The following USP21 variants were observed in gnomAD, a reference collection of about 807,000 sequenced individuals.
The protein encoded by USP21 is ubiquitin specific peptidase 21.
A neutral mutation model predicts 70.8 loss-of-function variants in USP21; 37 were observed. That is an observed-to-expected ratio of 0.52 (90% CI 0.40 to 0.69). The LOEUF is 0.69. Among genes scored for constraint, USP21 ranks in the 30% least tolerant of loss-of-function variants. The pLI, the probability that USP21 is intolerant of heterozygous loss-of-function variation, is 0.00. For synonymous variants in USP21, 263 were observed against 283.1 expected (o/e 0.93, Z 0.71); for missense variants, 584 against 740.8 (o/e 0.79, Z 2.46).
intron 13 of USP21, 49 bp downstream of exon 13, chr1:161,165,192 G>C (rs753799115): frequency 1.3e-6 from 2 of 1,548,280 alleles, no homozygotes; most frequent in South Asian, 1.1e-5. Context: ...ACTCAGCCCT[G>C]ACACCCTCCC....
In USP21 at chr1:161,161,460, A is replaced by AG; in HGVS notation, c.600+224dup. 1.8e-6 allele frequency: 1 copy of AG among 559,830 alleles called. No homozygotes were observed. Among genetic ancestry groups the AG allele is most frequent in the East Asian group, 3.0e-5 (1 of 32,832 alleles). The allele number at this position is 559,830 out of a possible 1,614,324, so 34.7% of individuals were successfully genotyped here. ...AGCATGGTGTGCCATTTCGGTCCCC[A>AG]GGGGATTACCCCAACTATTTAGAAT... On this transcript the variant is annotated intron_variant, in intron 3 of 13. Coordinates refer to ENST00000368002, the MANE Select transcript of USP21 (RefSeq NM_001014443.3). The surrounding 1 kb of genome is among the most constrained non-coding windows in gnomAD (Gnocchi z 4.2).
Position 161,161,093 on chromosome 1 carries a change from G to A in USP21, c.453G>A (p.Leu151=). ...RLALRPEPPT[L]RRSTSLRRLG... The stretch of plus-strand genomic sequence containing the variant: ...CCCTCCGGCCTGAGCCACCCACTTT[G>A]AGACGTAGCACTTCTCTCCGCCGCC... Residue 151 remains leucine, a synonymous_variant, in exon 3 of 14, where the codon TTG becomes TTA. Coordinates refer to ENST00000368002, the MANE Select transcript of USP21 (RefSeq NM_001014443.3). The surrounding 1 kb of genome is among the most constrained non-coding windows in gnomAD (Gnocchi z 4.2). 6.2e-7 allele frequency: 1 copy of A among 1,614,238 alleles called. No individual in the cohort carries two copies. The highest frequency in any genetic ancestry group is 2.2e-5 in the East Asian group (1 of 44,884).
intron 13 of USP21, 61 bp from the exon 14 acceptor site, chr1:161,165,296 G>T (rs2101825536): frequency 6.5e-7 from 1 of 1,538,488 alleles, no homozygotes; most frequent in Non-Finnish European, 9.0e-7. Context: ...GTTCGGTCTT[G>T]TAGGGAGAAG....
In USP21 at chr1:161,161,395, G is replaced by T; in HGVS notation, c.600+155G>T. 3.1e-6 allele frequency: 3 copies of T among 964,954 alleles called. No homozygotes were observed. Among genetic ancestry groups the T allele is most frequent in the Non-Finnish European group, 4.5e-6 (3 of 667,646 alleles). 59.8% of individuals were successfully genotyped at this position (964,954 alleles called of 1,614,324 possible). ...GCCTCTCCCTTGCTTAAATACCCTT[G>T]AGCCTCCTAGACCCTTTTTTGGGTT... On this transcript the variant is annotated intron_variant, in intron 3 of 13. Coordinates refer to ENST00000368002, the MANE Select transcript of USP21 (RefSeq NM_001014443.3). This position sits in a 1 kb window ranked among gnomAD's most constrained non-coding sequence, Gnocchi z 4.2.
At position 161,162,208 on chromosome 1, in the gene USP21, C is replaced by T; in HGVS notation, c.661-62C>T. On this transcript the variant is annotated intron_variant, in intron 4 of 13. Transcript: ENST00000368002. The surrounding 1 kb of genome is among the most constrained non-coding windows in gnomAD (Gnocchi z 4.1). ...CATGTGGAAGGAGAGCTCTGAAGCT[C>T]TTCTAAGGCTTCCTGGGCAGTGGTC... The T allele has an allele frequency of 6.2e-7, 1 of 1,612,196 alleles. No homozygotes were observed. Among genetic ancestry groups the T allele is most frequent in the Non-Finnish European group, 8.5e-7 (1 of 1,178,718 alleles).
rs1362626583 is a variant in USP21 at position 161,164,563 on chromosome 1, A to T, written c.1335A>T (p.Arg445=). The T allele has an allele frequency of 1.9e-6, 3 of 1,614,076 alleles. No individual in the cohort carries two copies. Among genetic ancestry groups the T allele is most frequent in the African/African-American group, 2.7e-5 (2 of 74,922 alleles). The change falls in exon 11 of 14, where the codon CGA becomes CGT. Residue 445 remains arginine (R), a synonymous_variant. Transcript: ENST00000368002. The surrounding 1 kb of genome is among the most constrained non-coding windows in gnomAD (Gnocchi z 4.2). The stretch of plus-strand genomic sequence containing the variant: ...GTGACCGATGTCGGCAGAAAACTCG[A>T]AGTACCAAAAAGTTGACAGTACAAA... ...PVCDRCRQKT[R]STKKLTVQRF...
At position 161,165,414 on chromosome 1, in the gene USP21, C is replaced by G; in HGVS notation, c.1665C>G (p.Tyr555Ter). Residue 555 changes from tyrosine to a stop codon, truncating the protein, a stop_gained, in exon 14 of 14, where the codon TAC (tyrosine) becomes TAG (stop). Coordinates refer to ENST00000368002, the MANE Select transcript of USP21 (RefSeq NM_001014443.3). LOFTEE classifies it high-confidence loss of function. ...VASSEGYVLF[Y>*]QLMQEPPRCL Reference sequence around the variant, plus strand: ...CCAGCGAGGGCTACGTGCTGTTCTACCAACTGATGCAGGAGCCACCCCGGT... The same window carrying G: ...CCAGCGAGGGCTACGTGCTGTTCTAGCAACTGATGCAGGAGCCACCCCGGT... The G allele has an allele frequency of 6.2e-7, 1 of 1,614,136 alleles. No homozygotes were observed. Among genetic ancestry groups the G allele is most frequent in the Non-Finnish European group, 8.5e-7 (1 of 1,180,024 alleles).
Position 161,161,158 on chromosome 1 carries a change from G to T in USP21, c.518G>T (p.Arg173Leu). Residue 173 changes from arginine (R) to leucine (L), a missense_variant, in exon 3 of 14, where the codon CGG (arginine) becomes CTG (leucine). Arg to Leu is a moderately radical substitution (Grantham distance 102, BLOSUM62 -2). This residue lies in a region of USP21 where 284 missense variants were observed against 281.0 expected (regional missense o/e 1.01). Transcript: ENST00000368002. This position sits in a 1 kb window ranked among gnomAD's most constrained non-coding sequence, Gnocchi z 4.2. ...FPGPPTLFSIRTEPPASHGSF... is the reference protein window; with the variant it reads ...FPGPPTLFSILTEPPASHGSF... Reference sequence around the variant, plus strand: ...GGACCCCCTACCCTGTTCAGCATACGGACAGAGCCCCCTGCTTCCCATGGC... The same window carrying T: ...GGACCCCCTACCCTGTTCAGCATACTGACAGAGCCCCCTGCTTCCCATGGC... 1.2e-6 allele frequency: 2 copies of T among 1,613,956 alleles called. No individual in the cohort carries two copies. The highest frequency in any genetic ancestry group is 1.7e-6 in the Non-Finnish European group (2 of 1,179,882).
At position 161,160,835 on chromosome 1, in the gene USP21, A is replaced by G. The variant is rs138981004; in HGVS notation, c.195A>G (p.Lys65=). The change falls in exon 3 of 14, where the codon AAA becomes AAG. Residue 65 remains lysine (K), a synonymous_variant. Transcript: ENST00000368002. The part of the protein sequence containing the change: ...RPGLPDERLK[K]LELGRGRTSG... ...GTCTGCCTGATGAACGGCTCAAGAA[A>G]CTGGAGCTGGGACGGGGACGGACCT... 23 of 1,614,018 alleles carry G rather than the reference A, an allele frequency of 1.4e-5. No homozygotes were observed. In the African/African-American group the frequency reaches 2.9e-4, roughly 21 times the overall value.
chr1:161,161,376 C>T lies in USP21; in HGVS notation c.600+136C>T. The T allele has an allele frequency of 1.7e-6, 2 of 1,169,382 alleles. No individual in the cohort carries two copies. The highest frequency in any genetic ancestry group is 2.4e-6 in the Non-Finnish European group (2 of 843,394). The allele number at this position is 1,169,382 out of a possible 1,614,324, so 72.4% of individuals were successfully genotyped here. On this transcript the variant is annotated intron_variant, in intron 3 of 13. Coordinates refer to ENST00000368002, the MANE Select transcript of USP21 (RefSeq NM_001014443.3). The surrounding 1 kb of genome is among the most constrained non-coding windows in gnomAD (Gnocchi z 4.2). ...ATTACAGCAGTTTGGACATGCCTCT[C>T]CCTTGCTTAAATACCCTTGAGCCTC...
chr1:161,161,997 A>G lies in USP21; in HGVS notation c.601-41A>G. 1 of 1,601,290 alleles carries G rather than the reference A, an allele frequency of 6.2e-7. No individual in the cohort carries two copies. Among genetic ancestry groups the G allele is most frequent in the African/African-American group, 1.3e-5 (1 of 74,766 alleles). The stretch of plus-strand genomic sequence containing the variant: ...CTGTTGAAAGGTTAAAGTGCCAGGT[A>G]GGATATATAGGAACTTGCCGATTGT... On this transcript the variant is annotated intron_variant, in intron 3 of 13. Transcript: ENST00000368002. The surrounding 1 kb of genome is among the most constrained non-coding windows in gnomAD (Gnocchi z 4.2).
At chr1:161,160,547 C>A in intron 2 of USP21, 41 bp downstream of exon 2, 2 of 1,414,988 alleles carry the variant, frequency 1.4e-6, no homozygotes, top group Non-Finnish European at 1.9e-6. Flanking sequence ...ATTAGTGTGG[C>A]AGGGTTCAGT....
In USP21 at chr1:161,164,034, G is replaced by A; in HGVS notation, c.1218+53G>A. 6.3e-7 allele frequency: 1 copy of A among 1,596,470 alleles called. No individual in the cohort carries two copies. The highest frequency in any genetic ancestry group is 8.6e-7 in the Non-Finnish European group (1 of 1,164,110). ...ACAGGACAGGGGCTCTGTGACCCAAGCCTACCCACCCCCAGAGTGTGGGCG... is the reference window on the plus strand; with the variant it reads ...ACAGGACAGGGGCTCTGTGACCCAAACCTACCCACCCCCAGAGTGTGGGCG... On this transcript the variant is annotated intron_variant, in intron 9 of 13. Coordinates refer to ENST00000368002, the MANE Select transcript of USP21 (RefSeq NM_001014443.3). The surrounding 1 kb of genome is among the most constrained non-coding windows in gnomAD (Gnocchi z 4.2).
At chr1:161,165,002 A>G (rs777188673) in intron 12 of USP21, 27 bp from the exon 13 acceptor site, 6 of 1,613,582 alleles carry the variant, frequency 3.7e-6, no homozygotes, top group East Asian at 2.2e-5. Context: ...CTCTGATTAT[A>G]GAACTTGATC....
intron 7 of USP21, 85 bp downstream of exon 7, chr1:161,163,159 G>A: frequency 6.9e-7 from 1 of 1,459,078 alleles, no homozygotes. Flanking sequence ...AAAGATTGAA[G>A]ATGTAGGGTC....
Position 161,160,612 on chromosome 1 carries a change from C to T in USP21, c.-21-8C>T, listed in dbSNP as rs1300074182. On this transcript the variant is annotated splice_region_variant and splice_polypyrimidine_tract_variant and intron_variant, in intron 2 of 13. Coordinates refer to ENST00000368002, the MANE Select transcript of USP21 (RefSeq NM_001014443.3). ...TATTCAAATGCTGACACTCTCTTCT[C>T]CTCCCAGGTCCAGCCTGTGGTGTCC... 6 of 1,596,714 alleles carry T rather than the reference C, an allele frequency of 3.8e-6. No homozygotes were observed. The East Asian group carries it at 1.3e-4, about 36-fold the overall frequency.
chr1:161,164,977 G>A lies in USP21; in HGVS notation c.1492+35G>A. 1 of 1,613,268 alleles carries A rather than the reference G, an allele frequency of 6.2e-7. No individual in the cohort carries two copies. Among genetic ancestry groups the A allele is most frequent in the Middle Eastern group, 1.6e-4 (1 of 6,062 alleles). On this transcript the variant is annotated intron_variant, in intron 12 of 13. Coordinates refer to ENST00000368002, the MANE Select transcript of USP21 (RefSeq NM_001014443.3). This position sits in a 1 kb window ranked among gnomAD's most constrained non-coding sequence, Gnocchi z 4.2. ...GTGGGGAAAGTCCTAAGGAGCCAAA[G>A]GAGTGGGGGCACAGCTCTGATTATA...
Position 161,165,551 on chromosome 1 carries a change from G to C in USP21, c.*104G>C, listed in dbSNP as rs1009811926. ...ATTTTTGTGTCTTTTTAATCGGGGA[G>C]GGGGGAGGGGGTGGTTGTAGCTCCA... On this transcript the variant is annotated 3_prime_UTR_variant, in exon 14 of 14. Coordinates refer to ENST00000368002, the MANE Select transcript of USP21 (RefSeq NM_001014443.3). 2.3e-6 allele frequency: 1 copy of C among 441,824 alleles called. No homozygotes were observed. The highest frequency in any genetic ancestry group is 6.0e-5 in the East Asian group (1 of 16,572). 27.4% of individuals were successfully genotyped at this position (441,824 alleles called of 1,614,324 possible). A position where few individuals can be genotyped will look rare whatever the true frequency, so the allele number is the denominator to read the frequency against.
At position 161,161,281 on chromosome 1, in the gene USP21, C is replaced by T. The variant is rs1227635681; in HGVS notation, c.600+41C>T. ...ACACATGGCCTTCATGCCCATGTTC[C>T]TCTGTGCTTTCCTGCCATCCTCTGC... On this transcript the variant is annotated intron_variant, in intron 3 of 13. Transcript: ENST00000368002. The surrounding 1 kb of genome is among the most constrained non-coding windows in gnomAD (Gnocchi z 4.2). The T allele has an allele frequency of 3.9e-6, 6 of 1,537,096 alleles. No homozygotes were observed. The highest frequency in any genetic ancestry group is 3.8e-5 in the Admixed American group (2 of 52,546).
Sources: allele counts gnomAD v4.1 joint callset, GRCh38; gene constraint gnomAD v4.1.1; regional missense constraint gnomAD v4.1.1; non-coding constraint Gnocchi (gnomAD v3.1); transcripts MANE v1.5; gene names NCBI Gene and HGNC (gene_info 2026-07-23, HGNC 2026-07-21).